The following PTPRT variants were observed in gnomAD, a reference collection of about 807,000 sequenced individuals.
PTPRT encodes the protein protein tyrosine phosphatase receptor type T, also known as receptor-type tyrosine-protein phosphatase T.
Under a neutral mutation model 176.8 loss-of-function variants are expected in PTPRT, and 56 were observed. The observed-to-expected ratio is 0.32, with a 90% CI of 0.26 to 0.40. The LOEUF (loss-of-function observed/expected upper bound fraction) is 0.40. PTPRT is among the 10% of genes least tolerant of loss of function. The pLI, the probability that PTPRT is intolerant of heterozygous loss-of-function variation, is 1.00. For missense variants in PTPRT, 1,540 were observed against 1,908.2 expected (o/e 0.81, Z 3.60); for synonymous variants, 783 against 739.0 (o/e 1.06, Z -0.96).
chr20:43,083,345 T>TATATATATATACAC (rs1568774088), intron 1 of PTPRT, among the ~76,000 whole-genome samples: 5 of 117,378 alleles, frequency 4.3e-5, no homozygotes, highest in Non-Finnish European at 9.0e-5. Context: ...TATATATATA[T>TATATATATATACAC]ATATATATAT....
chr20:43,163,374 C>T lies in PTPRT; in HGVS notation c.88+26272G>A, dbSNP rs6016970. On this transcript the variant is annotated intron_variant, in intron 1 of 30. Transcript: ENST00000373187. Reference sequence around the variant, plus strand: ...ACAGGCTGGGCCAGGCGCGGTGGCTCGTGACTGTAATCCCAGCACTTTGGG... The same window carrying T: ...ACAGGCTGGGCCAGGCGCGGTGGCTTGTGACTGTAATCCCAGCACTTTGGG... 5.5e-3 allele frequency among the ~76,000 whole-genome samples: 841 copies of T among 152,202 alleles called. 13 individuals are homozygous for T. The highest frequency in any genetic ancestry group is 0.019 in the African/African-American group (792 of 41,516).
intron 6 of PTPRT, among the ~76,000 whole-genome samples, chr20:42,742,373 G>A (rs933831214): frequency 6.6e-6 from 1 of 152,210 alleles, no homozygotes; most frequent in Non-Finnish European, 1.5e-5. Flanking sequence ...CCGCCCTCAC[G>A]GGTTGGACAA....
At chr20:42,763,780 A>C (rs943787519) in intron 5 of PTPRT, among the ~76,000 whole-genome samples, 4 of 152,192 alleles carry the variant, frequency 2.6e-5, no homozygotes, top group Non-Finnish European at 5.9e-5. Flanking sequence ...AGTAGACATA[A>C]ATCATTTTTG....
intron 13 of PTPRT, among the ~76,000 whole-genome samples, chr20:42,270,779 C>T (rs540815425): frequency 1.2e-4 from 19 of 152,174 alleles, no homozygotes; most frequent in Non-Finnish European, 1.9e-4. Context: ...ATTTTTCCAC[C>T]GAAACTACTT....
intron 1 of PTPRT, among the ~76,000 whole-genome samples, chr20:43,178,640 A>G (rs970543749): frequency 5.3e-5 from 8 of 152,366 alleles, no homozygotes; most frequent in African/African-American, 1.9e-4. Flanking sequence ...ACAGCAGAGC[A>G]GAACAAGTTC....
chr20:43,170,458 A>G (rs2014968646), intron 1 of PTPRT, among the ~76,000 whole-genome samples: 1 of 152,206 alleles, frequency 6.6e-6, no homozygotes, highest in African/African-American at 2.4e-5. Flanking sequence ...GATGGCGATG[A>G]AAAGATCTCC....
intron 6 of PTPRT, among the ~76,000 whole-genome samples, chr20:42,694,273 C>T (rs1156231122): frequency 1.3e-5 from 2 of 152,040 alleles, no homozygotes; most frequent in African/African-American, 2.4e-5. Context: ...CTCCTGACCT[C>T]GTGATCCACC....
chr20:42,588,066 A>G (rs988709642), intron 7 of PTPRT, among the ~76,000 whole-genome samples: 3 of 152,130 alleles, frequency 2.0e-5, no homozygotes, highest in Non-Finnish European at 4.4e-5. Context: ...CAGCTGAATT[A>G]TTGGTATAGG....
At chr20:42,728,144 C>A (rs528109146) in intron 6 of PTPRT, among the ~76,000 whole-genome samples, 91 of 152,322 alleles carry the variant, frequency 6.0e-4, no homozygotes, top group African/African-American at 2.1e-3. Flanking sequence ...CTTTACCATG[C>A]ATCAGTATTT....
chr20:42,871,952 T>A (rs1460886581), intron 2 of PTPRT, among the ~76,000 whole-genome samples: 1 of 152,248 alleles, frequency 6.6e-6, no homozygotes, highest in Non-Finnish European at 1.5e-5. Flanking sequence ...GCTATAGGTC[T>A]TATTTTAACC....
chr20:42,490,824 G>A (rs2071549386), intron 7 of PTPRT, among the ~76,000 whole-genome samples: 2 of 151,974 alleles, frequency 1.3e-5, no homozygotes, highest in South Asian at 4.2e-4. Flanking sequence ...TAGAATTTTG[G>A]CTTATAAACT....
chr20:42,101,522 C>A (rs2146234178), intron 26 of PTPRT, among the ~76,000 whole-genome samples: 1 of 152,310 alleles, frequency 6.6e-6, no homozygotes, highest in African/African-American at 2.4e-5. Flanking sequence ...GGTGAAGCCC[C>A]TTCCTGGACC....
At chr20:42,521,281 A>G (rs893185116) in intron 7 of PTPRT, among the ~76,000 whole-genome samples, 4 of 152,162 alleles carry the variant, frequency 2.6e-5, no homozygotes, top group African/African-American at 9.6e-5. Flanking sequence ...ATTTAGGACT[A>G]CAAGTTCTCC....
intron 9 of PTPRT, among the ~76,000 whole-genome samples, chr20:42,384,431 G>A (rs762486341): frequency 3.3e-5 from 5 of 152,298 alleles, no homozygotes; most frequent in South Asian, 2.1e-4. Flanking sequence ...ACAAGGGTGC[G>A]AGGGTGTTTC....
chr20:42,086,745 A>ATATATATATATATATAT (rs1568913226), intron 27 of PTPRT, among the ~76,000 whole-genome samples: 2 of 45,994 alleles, frequency 4.3e-5, no homozygotes, highest in African/African-American at 1.8e-4. Flanking sequence ...AAAAAAAAAA[A>ATATATATATATATATAT]AAAAAAAAAT....
At chr20:42,517,355 ATT>A in intron 7 of PTPRT, among the ~76,000 whole-genome samples, 1 of 151,758 alleles carries the variant, frequency 6.6e-6, no homozygotes, top group Middle Eastern at 3.5e-3. Flanking sequence ...TTATAATCGT[ATT>A]TTTTCACATA....
intron 9 of PTPRT, among the ~76,000 whole-genome samples, chr20:42,377,283 T>C (rs978040472): frequency 2.0e-4 from 30 of 152,192 alleles, no homozygotes; most frequent in African/African-American, 6.5e-4. Context: ...TCAGGGTACA[T>C]GCTAACTCCA....
chr20:42,111,758 T>C (rs969727174), intron 22 of PTPRT, among the ~76,000 whole-genome samples: 6 of 152,182 alleles, frequency 3.9e-5, no homozygotes, highest in African/African-American at 1.4e-4. Context: ...ACAGTACAAC[T>C]CACAAGTTGT....
intron 17 of PTPRT, among the ~76,000 whole-genome samples, chr20:42,148,800 C>A (rs1341368273): frequency 6.6e-6 from 1 of 152,170 alleles, no homozygotes; most frequent in Non-Finnish European, 1.5e-5. Context: ...AAAAAAATGA[C>A]CAAACACCCC....
Sources: gnomAD v4.1 joint callset for allele counts (sites outside exome capture counted in the v4.1 genomes callset) on GRCh38, gnomAD v4.1.1 for gene constraint, MANE v1.5 for transcripts, NCBI Gene and HGNC (gene_info 2026-07-23, HGNC 2026-07-21) for gene names.